DPP6: variants seen among roughly 807,000 people sequenced by gnomAD.
DPP6 encodes the protein dipeptidyl peptidase like 6.
DPP6 carries 69 observed loss-of-function variants against 122.6 expected under a neutral mutation model. The ratio of observed to expected loss-of-function variants is 0.56; its 90% confidence interval spans 0.46 to 0.69. The LOEUF is 0.69. DPP6 is among the 30% of genes least tolerant of loss of function. The pLI, the probability that DPP6 is intolerant of heterozygous loss-of-function variation, is 0.00. For missense variants in DPP6, 928 were observed against 1,116.9 expected, an observed-to-expected ratio of 0.83 and a Z score of 2.41; for synonymous variants, 418 against 433.1, an observed-to-expected ratio of 0.97 and a Z score of 0.43.
intron 1 of DPP6, among the ~76,000 whole-genome samples, chr7:154,364,599 T>C (rs7785442): frequency 0.14 from 21,753 of 152,134 alleles, 4,391 homozygotes; most frequent in African/African-American, 0.45. Context: ...TCTGCATCCC[T>C]TCGGTGAGCT....
At chr7:154,585,312 A>G (rs572196475) in intron 5 of DPP6, among the ~76,000 whole-genome samples, 8 of 152,382 alleles carry the variant, frequency 5.2e-5, no homozygotes, top group Admixed American at 1.3e-4. Context: ...AGGATAGACT[A>G]TGGAAGATGT....
In DPP6 at chr7:154,697,830, C is replaced by T. The variant is rs547921188; in HGVS notation, c.762+28389C>T. 7.9e-4 allele frequency among the ~76,000 whole-genome samples: 121 copies of T among 152,306 alleles called. 3 individuals are homozygous for T. The South Asian group carries it at 0.022, about 28-fold the overall frequency. ...CATGGCGTGCGCGGCTCTGTCTGTA[C>T]ACTCAGTGTACAGTAAACATTTGTC... On this transcript the variant is annotated intron_variant, in intron 7 of 25. Transcript: ENST00000377770.
intron 1 of DPP6, among the ~76,000 whole-genome samples, chr7:154,114,609 G>A (rs939051307): frequency 6.6e-6 from 1 of 152,182 alleles, no homozygotes; most frequent in Non-Finnish European, 1.5e-5. Context: ...TAACCAGTGA[G>A]AGTCAGAGAG....
At chr7:154,242,021 G>A (rs1423150906) in intron 1 of DPP6, among the ~76,000 whole-genome samples, 1 of 152,198 alleles carries the variant, frequency 6.6e-6, no homozygotes, top group Non-Finnish European at 1.5e-5. Context: ...ACAGGAAGGA[G>A]CTGTTCATAG....
chr7:153,937,181 T>C (rs1167861698), intron 1 of DPP6, among the ~76,000 whole-genome samples: 2 of 152,106 alleles, frequency 1.3e-5, no homozygotes, highest in African/African-American at 4.8e-5. Flanking sequence ...GGGCCACCCT[T>C]AGGATAGCCA....
chr7:154,796,049 C>T, intron 12 of DPP6, 166 bp downstream of exon 12: 3 of 1,139,762 alleles, frequency 2.6e-6, no homozygotes, highest in Non-Finnish European at 3.6e-6. Flanking sequence ...GCCTCCCGTT[C>T]TCCAGGGTTG....
At chr7:154,147,494 C>T (rs1301503392) in intron 1 of DPP6, among the ~76,000 whole-genome samples, 97 of 125,480 alleles carry the variant, frequency 7.7e-4, no homozygotes, top group African/African-American at 4.0e-3. Context: ...TCCTTCCTTT[C>T]TTTTTCTGTC....
chr7:154,734,845 G>A (rs974547093), intron 8 of DPP6, among the ~76,000 whole-genome samples: 13 of 152,192 alleles, frequency 8.5e-5, no homozygotes, highest in Admixed American at 8.5e-4. Flanking sequence ...AAAGATAACA[G>A]CAGTATATGC....
chr7:154,283,167 C>A (rs1360970876), intron 1 of DPP6, among the ~76,000 whole-genome samples: 1 of 152,164 alleles, frequency 6.6e-6, no homozygotes, highest in African/African-American at 2.4e-5. Context: ...CTTCTGAACA[C>A]TGGGATCCCC....
At chr7:154,447,544 C>G (rs1819989481) in intron 2 of DPP6, among the ~76,000 whole-genome samples, 1 of 151,892 alleles carries the variant, frequency 6.6e-6, no homozygotes, top group African/African-American at 2.4e-5. Flanking sequence ...AATTATAATC[C>G]AGGCTTAAAC....
chr7:154,392,555 A>T (rs1433342275), intron 1 of DPP6, among the ~76,000 whole-genome samples: 1 of 152,156 alleles, frequency 6.6e-6, no homozygotes, highest in African/African-American at 2.4e-5. Context: ...TCAGTCATCC[A>T]AGTTGGATTT....
chr7:153,926,774 C>T (rs1282058695), intron 1 of DPP6, among the ~76,000 whole-genome samples: 2 of 150,474 alleles, frequency 1.3e-5, no homozygotes, highest in Non-Finnish European at 2.9e-5. Flanking sequence ...CAGACAGCTG[C>T]TCCTGGTTCC....
chr7:154,768,661 C>T (rs1372030986), intron 8 of DPP6, among the ~76,000 whole-genome samples: 2 of 152,174 alleles, frequency 1.3e-5, no homozygotes, highest in East Asian at 1.9e-4. Flanking sequence ...ATAGATATCA[C>T]ACCCTACAAA....
intron 4 of DPP6, among the ~76,000 whole-genome samples, chr7:154,558,509 C>T (rs1014857504): frequency 1.3e-5 from 2 of 152,190 alleles, no homozygotes; most frequent in African/African-American, 2.4e-5. Context: ...TCTTAGTCAA[C>T]AATGGATGTA....
the DPP6 span, among the ~76,000 whole-genome samples, chr7:153,845,817 T>C: frequency 6.6e-6 from 1 of 152,198 alleles, no homozygotes; most frequent in Non-Finnish European, 1.5e-5. Context: ...AAATTAACCA[T>C]GACTTTAGAC....
chr7:153,989,006 G>A (rs1585138179), intron 1 of DPP6, among the ~76,000 whole-genome samples: 1 of 150,432 alleles, frequency 6.6e-6, no homozygotes, highest in East Asian at 2.0e-4. Flanking sequence ...TCACCTGGTG[G>A]GGATTTCATG....
chr7:153,954,208 T>C (rs751512786), intron 1 of DPP6, among the ~76,000 whole-genome samples: 18 of 152,236 alleles, frequency 1.2e-4, no homozygotes, highest in Non-Finnish European at 2.6e-4. Flanking sequence ...ACTATAATGT[T>C]TGTCTGTAAA....
At chr7:154,513,268 T>G (rs1397279185) in intron 3 of DPP6, among the ~76,000 whole-genome samples, 2 of 152,184 alleles carry the variant, frequency 1.3e-5, no homozygotes, top group African/African-American at 4.8e-5. Context: ...GAATAACGAA[T>G]GTCCAACAGA....
intron 12 of DPP6, among the ~76,000 whole-genome samples, chr7:154,798,458 CT>C (rs1193203622): frequency 3.3e-5 from 5 of 152,228 alleles, no homozygotes; most frequent in African/African-American, 9.6e-5. Flanking sequence ...ATAATTCTTA[CT>C]GTTTTCAAAT....
Sources: gnomAD v4.1 joint callset for allele counts (sites outside exome capture counted in the v4.1 genomes callset) on GRCh38, gnomAD v4.1.1 for gene constraint, MANE v1.5 for transcripts, NCBI Gene and HGNC (gene_info 2026-07-23, HGNC 2026-07-21) for gene names.